Variants in ABTB3 observed in about 807,000 individuals in gnomAD.
The protein encoded by ABTB3 is ankyrin repeat and BTB domain containing 3.
chr12:107,413,432 A>T, the ABTB3 span, among the ~76,000 whole-genome samples: 1 of 152,274 alleles, frequency 6.6e-6, no homozygotes, highest in East Asian at 1.9e-4. Flanking sequence ...CTGCACCTTC[A>T]CGCTTACTGT....
the ABTB3 span, among the ~76,000 whole-genome samples, chr12:107,627,663 G>C: frequency 1.3e-5 from 2 of 152,246 alleles, no homozygotes; most frequent in South Asian, 4.1e-4. Context: ...TCTTTTGGTG[G>C]GAAGATGGTC....
the ABTB3 span, among the ~76,000 whole-genome samples, chr12:107,384,178 A>G: frequency 1.3e-5 from 2 of 152,162 alleles, no homozygotes; most frequent in South Asian, 2.1e-4. Flanking sequence ...AAGATTTCCT[A>G]TGTATTGATG....
chr12:107,478,324 A>G, the ABTB3 span, among the ~76,000 whole-genome samples: 4 of 152,332 alleles, frequency 2.6e-5, no homozygotes, highest in South Asian at 8.3e-4. Context: ...AAGCTCTGAC[A>G]GTTGGATCCA....
the ABTB3 span, among the ~76,000 whole-genome samples, chr12:107,430,606 C>G: frequency 6.6e-6 from 1 of 152,154 alleles, no homozygotes; most frequent in Non-Finnish European, 1.5e-5. Context: ...TCCGTCCATC[C>G]CTTTCTCAAT....
chr12:107,486,638 G>A, the ABTB3 span: 1 of 149,716 alleles, frequency 6.7e-6, no homozygotes, highest in African/African-American at 2.5e-5. Context: ...CTGTACACTA[G>A]AGTATTCTTT....
chr12:107,443,283 A>G, the ABTB3 span, among the ~76,000 whole-genome samples: 568 of 152,004 alleles, frequency 3.7e-3, 4 homozygotes, highest in African/African-American at 0.013. Flanking sequence ...TTAAAAGCAA[A>G]GGGGCCAGGA....
At chr12:107,387,203 C>G in the ABTB3 span, among the ~76,000 whole-genome samples, 8 of 152,146 alleles carry the variant, frequency 5.3e-5, no homozygotes, top group African/African-American at 1.9e-4. Flanking sequence ...GTCTCGAACT[C>G]CTGACCTCAG....
chr12:107,539,282 G>C, the ABTB3 span, among the ~76,000 whole-genome samples: 1 of 152,074 alleles, frequency 6.6e-6, no homozygotes, highest in Non-Finnish European at 1.5e-5. Context: ...CCCACCCCAG[G>C]CCTCTATCTT....
the ABTB3 span, among the ~76,000 whole-genome samples, chr12:107,497,692 C>CTT: frequency 2.6e-5 from 4 of 152,230 alleles, no homozygotes; most frequent in African/African-American, 9.6e-5. Flanking sequence ...CAATCATTCT[C>CTT]TGTCCTGGGA....
chr12:107,330,601 T>C, the ABTB3 span, among the ~76,000 whole-genome samples: 117 of 152,350 alleles, frequency 7.7e-4, 1 homozygote, highest in East Asian at 0.02. Flanking sequence ...AGTGGGCTAC[T>C]GTCTTGTCCA....
the ABTB3 span, among the ~76,000 whole-genome samples, chr12:107,406,707 T>A: frequency 6.6e-6 from 1 of 152,238 alleles, no homozygotes; most frequent in Non-Finnish European, 1.5e-5. Flanking sequence ...CAGAAATCCC[T>A]GTCTTTATGG....
the ABTB3 span, among the ~76,000 whole-genome samples, chr12:107,530,797 T>A: frequency 1.3e-5 from 2 of 152,216 alleles, no homozygotes; most frequent in African/African-American, 4.8e-5. Flanking sequence ...AAGGTTTGGG[T>A]GCAAATCCTT....
At chr12:107,473,857 A>G in the ABTB3 span, among the ~76,000 whole-genome samples, 6 of 148,490 alleles carry the variant, frequency 4.0e-5, no homozygotes, top group South Asian at 2.1e-4. Context: ...GCTGGAGTGC[A>G]GTGGCGTGAT....
the ABTB3 span, among the ~76,000 whole-genome samples, chr12:107,507,688 A>C: frequency 2.0e-5 from 3 of 152,192 alleles, no homozygotes; most frequent in East Asian, 3.9e-4. Context: ...AACTTCTTAC[A>C]ATCCCCACAA....
chr12:107,581,977 C>A, the ABTB3 span, among the ~76,000 whole-genome samples: 2 of 152,220 alleles, frequency 1.3e-5, no homozygotes, highest in South Asian at 4.1e-4. Context: ...CGACTCCCCC[C>A]ACTCCCAGCT....
the ABTB3 span, among the ~76,000 whole-genome samples, chr12:107,433,892 A>G: frequency 6.6e-6 from 1 of 152,132 alleles, no homozygotes; most frequent in South Asian, 2.1e-4. Flanking sequence ...GGTTCTAGCC[A>G]GGGCCCTCTT....
chr12:107,380,863 T>C, the ABTB3 span, among the ~76,000 whole-genome samples: 1 of 152,194 alleles, frequency 6.6e-6, no homozygotes, highest in African/African-American at 2.4e-5. Context: ...CTATATTATA[T>C]GGTAGTACAG....
the ABTB3 span, among the ~76,000 whole-genome samples, chr12:107,555,193 G>C: frequency 1.3e-5 from 2 of 152,194 alleles, no homozygotes; most frequent in African/African-American, 4.8e-5. Context: ...GCAAATGAGT[G>C]ACAAGCTGTG....
the ABTB3 span, among the ~76,000 whole-genome samples, chr12:107,636,139 G>A: frequency 6.6e-6 from 1 of 152,216 alleles, no homozygotes; most frequent in African/African-American, 2.4e-5. Flanking sequence ...GAACACAGGT[G>A]TGCCCGGAAG....
Sources: gnomAD v4.1 joint callset for allele counts (sites outside exome capture counted in the v4.1 genomes callset) on GRCh38, gnomAD v4.1.1 for gene constraint, MANE v1.5 for transcripts, NCBI Gene and HGNC (gene_info 2026-07-23, HGNC 2026-07-21) for gene names.